The following EBF2 variants were observed in gnomAD, a reference collection of about 807,000 sequenced individuals.
EBF2 encodes the protein transcription factor COE2.
A neutral mutation model predicts 72.8 loss-of-function variants in EBF2; 21 were observed. The ratio of observed to expected loss-of-function variants is 0.29; its 90% CI spans 0.20 to 0.42. The LOEUF is 0.42. Among genes scored for constraint, EBF2 ranks in the 10% least tolerant of loss-of-function variants. EBF2 has a pLI of 1.00. For synonymous variants in EBF2, 299 were observed against 274.2 expected (o/e 1.09, Z -0.89); for missense variants, 637 against 731.2 (o/e 0.87, Z 1.49).
At position 25,959,049 on chromosome 8, in the gene EBF2, C is replaced by T. The variant is rs138614708; in HGVS notation, c.552-50494G>A. ...AGCCAAAGGACAATGATGCAGACCC[C>T]GAGGGGAGGATGAGCTGAGGCTGGA... On this transcript the variant is annotated intron_variant, in intron 6 of 15. Coordinates refer to ENST00000520164, the MANE Select transcript of EBF2 (RefSeq NM_022659.4). Among the ~76,000 whole-genome samples the T allele has an allele frequency of 3.0e-3, 454 of 152,230 alleles. 6 individuals carry two copies. The highest frequency in any genetic ancestry group is 0.02 in the Admixed American group (305 of 15,292).
intron 6 of EBF2, among the ~76,000 whole-genome samples, chr8:25,955,735 T>A (rs1438219434): frequency 2.0e-5 from 3 of 151,864 alleles, no homozygotes; most frequent in Non-Finnish European, 4.4e-5. Context: ...TAGGGGCACT[T>A]GTCCCTAACT....
At chr8:25,864,497 CACAA>C (rs1319008082) in intron 10 of EBF2, among the ~76,000 whole-genome samples, 2 of 117,158 alleles carry the variant, frequency 1.7e-5, no homozygotes, top group Non-Finnish European at 1.7e-5. Flanking sequence ...GGTAGATACA[CACAA>C]ACACACACAC....
intron 7 of EBF2, among the ~76,000 whole-genome samples, chr8:25,906,345 T>G (rs1803030810): frequency 6.6e-6 from 1 of 152,204 alleles, no homozygotes; most frequent in Non-Finnish European, 1.5e-5. Flanking sequence ...TCTTTTGAAT[T>G]TTACTCTTCT....
At chr8:26,001,698 G>C (rs189243478) in intron 6 of EBF2, among the ~76,000 whole-genome samples, 1 of 151,980 alleles carries the variant, frequency 6.6e-6, no homozygotes, top group Non-Finnish European at 1.5e-5. Context: ...ACAGGGACGC[G>C]CCACCATGCC....
At chr8:25,979,524 G>A (rs1177138174) in intron 6 of EBF2, among the ~76,000 whole-genome samples, 2 of 152,224 alleles carry the variant, frequency 1.3e-5, no homozygotes, top group African/African-American at 4.8e-5. Context: ...GGCCCCACAG[G>A]CAATTCTCCA....
At chr8:25,914,481 A>G (rs538050197) in intron 6 of EBF2, among the ~76,000 whole-genome samples, 14 of 152,278 alleles carry the variant, frequency 9.2e-5, no homozygotes, top group African/African-American at 3.1e-4. Flanking sequence ...AAGGGCCCTG[A>G]AGCTTTTAAG....
chr8:26,044,108 G>C lies in EBF2; in HGVS notation c.131+621C>G, dbSNP rs1443156728. ...ATCTCTTCTTTTCTCCAGTTCCCTA[G>C]CTCCGTTCGTCTGGCTCACTGTTTT... On this transcript the variant is annotated intron_variant, in intron 1 of 15. Transcript: ENST00000520164. The surrounding 1 kb of genome is among the most constrained non-coding windows in gnomAD (Gnocchi z 4.1). Among the ~76,000 whole-genome samples the C allele has an allele frequency of 2.6e-5, 4 of 152,170 alleles. No individual in the cohort carries two copies. Among genetic ancestry groups the C allele is most frequent in the Non-Finnish European group, 4.4e-5 (3 of 68,036 alleles).
chr8:26,027,336 G>T (rs1171255722), intron 6 of EBF2, among the ~76,000 whole-genome samples: 1 of 152,084 alleles, frequency 6.6e-6, no homozygotes, highest in East Asian at 1.9e-4. Flanking sequence ...AGAAAGGCAG[G>T]AAGAGACTGT....
intron 6 of EBF2, among the ~76,000 whole-genome samples, chr8:25,938,842 A>G (rs1396374424): frequency 6.6e-6 from 1 of 152,100 alleles, no homozygotes; most frequent in African/African-American, 2.4e-5. Context: ...GGAGAAGGAC[A>G]GGGGTTCCTA....
chr8:25,962,653 C>G (rs1328839171), intron 6 of EBF2, among the ~76,000 whole-genome samples: 2 of 152,086 alleles, frequency 1.3e-5, no homozygotes, highest in Non-Finnish European at 2.9e-5. Context: ...TAAACAAAGA[C>G]AGTCCAAGCG....
intron 13 of EBF2, among the ~76,000 whole-genome samples, chr8:25,859,616 A>G (rs1428087239): frequency 6.6e-6 from 1 of 152,178 alleles, no homozygotes; most frequent in African/African-American, 2.4e-5. Flanking sequence ...CTCTAAAACT[A>G]TATAGGAAAC....
In EBF2 at chr8:25,850,728, C is replaced by A; in HGVS notation, c.1562G>T (p.Ser521Ile). ...GGAAAATGGGAGGATGGAGGATGTG[C>A]TGGAAGACCCAACGGTGGGACTTGA... ...MSSSPTVGSS[S>I]TSSILPFSSS... is the part of the protein sequence containing the mutation. Residue 521 changes from serine to isoleucine, a missense_variant, in exon 15 of 16, where the codon AGC becomes ATC. Ser to Ile is a moderately radical substitution (Grantham distance 142). Transcript: ENST00000520164. 6.4e-7 allele frequency: 1 copy of A among 1,562,638 alleles called. No homozygotes were observed. Among genetic ancestry groups the A allele is most frequent in the South Asian group, 1.2e-5 (1 of 82,186 alleles).
At position 26,044,583 on chromosome 8, in the gene EBF2, G is replaced by A. The variant is rs1563218330; in HGVS notation, c.131+146C>T. ...CCTGACTGCAGCGATCTGCTTGCCC[G>A]AGGGCGAGCCCCAGCGCGCAGGGCC... On this transcript the variant is annotated intron_variant, in intron 1 of 15. Coordinates refer to ENST00000520164, the MANE Select transcript of EBF2 (RefSeq NM_022659.4). The surrounding 1 kb of genome is among the most constrained non-coding windows in gnomAD (Gnocchi z 4.1). 2 of 1,238,674 alleles carry A rather than the reference G, an allele frequency of 1.6e-6. No homozygotes were observed. Among genetic ancestry groups the A allele is most frequent in the South Asian group, 1.5e-5 (1 of 68,414 alleles). The allele number at this position is 1,238,674 out of a possible 1,614,324, so 76.7% of individuals were successfully genotyped here.
intron 6 of EBF2, among the ~76,000 whole-genome samples, chr8:25,981,549 C>T (rs1020710104): frequency 6.6e-5 from 10 of 152,106 alleles, no homozygotes; most frequent in Non-Finnish European, 2.9e-5. Flanking sequence ...TCACGCCTAT[C>T]AGTACTTTGG....
At chr8:25,925,842 T>C (rs1203272063) in intron 6 of EBF2, among the ~76,000 whole-genome samples, 1 of 152,078 alleles carries the variant, frequency 6.6e-6, no homozygotes, top group Non-Finnish European at 1.5e-5. Flanking sequence ...AATAGGAAGA[T>C]TTTTTGCAGA....
intron 7 of EBF2, among the ~76,000 whole-genome samples, chr8:25,893,838 C>A (rs1368492873): frequency 6.6e-6 from 1 of 152,168 alleles, no homozygotes; most frequent in African/African-American, 2.4e-5. Flanking sequence ...GAATGACATA[C>A]CCTGATGGTT....
chr8:25,899,191 C>G (rs1041203337), intron 7 of EBF2, among the ~76,000 whole-genome samples: 2 of 151,626 alleles, frequency 1.3e-5, no homozygotes, highest in Non-Finnish European at 2.9e-5. Flanking sequence ...GAGCCTTCCC[C>G]AAGCTTACAT....
At chr8:25,861,805 T>C (rs1351451401) in intron 11 of EBF2, among the ~76,000 whole-genome samples, 5 of 152,222 alleles carry the variant, frequency 3.3e-5, no homozygotes, top group Admixed American at 2.0e-4. Flanking sequence ...TGAAATTATC[T>C]TGGCAACGTC....
intron 6 of EBF2, among the ~76,000 whole-genome samples, chr8:25,923,088 G>A (rs1282481408): frequency 2.0e-5 from 3 of 152,182 alleles, no homozygotes; most frequent in South Asian, 2.1e-4. Context: ...TGAGCAGCAG[G>A]ACAGGGTCCG....
Sources: gnomAD v4.1 joint callset for allele counts (sites outside exome capture counted in the v4.1 genomes callset) on GRCh38, gnomAD v4.1.1 for gene constraint, Gnocchi (gnomAD v3.1) non-coding constraint, MANE v1.5 for transcripts, NCBI Gene and HGNC (gene_info 2026-07-23, HGNC 2026-07-21) for gene names.